The following POU2F2 variants were observed in gnomAD, a reference collection of about 807,000 sequenced individuals.
The protein encoded by POU2F2 is POU class 2 homeobox 2, also known as POU domain, class 2, transcription factor 2.
A neutral mutation model predicts 63.5 loss-of-function variants in POU2F2; 14 were observed. The ratio of observed to expected loss-of-function variants is 0.22; its 90% CI spans 0.15 to 0.34. The LOEUF (loss-of-function observed/expected upper bound fraction) is 0.34. Among genes scored for constraint, POU2F2 ranks in the 10% least tolerant of loss-of-function variants. POU2F2 has a pLI of 1.00. For missense variants in POU2F2, 607 were observed against 815.2 expected (o/e 0.74, Z 3.11); for synonymous variants, 306 against 348.6 (o/e 0.88, Z 1.36).
chr19:42,173,589 T>C (rs1334393897), intron 1 of POU2F2, among the ~76,000 whole-genome samples: 1 of 149,418 alleles, frequency 6.7e-6, no homozygotes, highest in African/African-American at 2.5e-5. Flanking sequence ...CTGGCCAGCA[T>C]GCTGTCTAGG....
chr19:42,104,723 C>T (rs35863918), intron 5 of POU2F2, among the ~76,000 whole-genome samples: 4,621 of 152,234 alleles, frequency 0.03, 139 homozygotes, highest in East Asian at 0.14. Flanking sequence ...CAGAAGGCCA[C>T]GCTGTAAATC....
In POU2F2 at chr19:42,185,757, G is replaced by A. The variant is rs112181536; in HGVS notation, c.-70+10626C>T. On this transcript the variant is annotated intron_variant, in intron 1 of 5. Coordinates refer to the POU2F2 transcript ENST00000532176. The stretch of plus-strand genomic sequence containing the variant: ...TATACTTGTATGACCTCCATAGAAG[G>A]TACCGGGGACACAAAGGGGAATAGG... 2.5e-3 allele frequency among the ~76,000 whole-genome samples: 377 copies of A among 152,220 alleles called. 5 individuals carry two copies. Among genetic ancestry groups the A allele is most frequent in the African/African-American group, 8.5e-3 (355 of 41,522 alleles).
At position 42,092,214 on chromosome 19, in the gene POU2F2, C is replaced by T. The variant is rs2076748665; in HGVS notation, c.1321G>A (p.Gly441Ser). The T allele has an allele frequency of 6.4e-7, 1 of 1,568,834 alleles. No homozygotes were observed. The highest frequency in any genetic ancestry group is 1.3e-5 in the African/African-American group (1 of 74,386). Residue 441 changes from glycine (G) to serine (S), a missense_variant, in exon 13 of 15, where the codon GGT (glycine) becomes AGT (serine). Coordinates refer to ENST00000692977, the MANE Select transcript of POU2F2 (RefSeq NM_001394376.1). This position sits in a 1 kb window ranked among gnomAD's most constrained non-coding sequence, Gnocchi z 5.0. ...TLHPSRTAGG[G>S]GGGGGAAPPL... ...GGCGCAGCCCCGCCCCCGCCCCCAC[C>T]CCCTCCAGCTGTCCGGCTGGGGTGG...
At chr19:42,176,201 C>T (rs1415121479), upstream of POU2F2, among the ~76,000 whole-genome samples, 4 of 152,146 alleles carry the variant, frequency 2.6e-5, no homozygotes, top group Non-Finnish European at 5.9e-5. Flanking sequence ...GCCCGGGGAG[C>T]CTCTCCGAAG....
intron 1 of POU2F2, 110 bp from the exon 2 acceptor site, chr19:42,122,686 C>T: frequency 1.0e-6 from 1 of 971,366 alleles, no homozygotes; most frequent in Non-Finnish European, 1.5e-6. Context: ...TCCCCCCTTA[C>T]CCCCAGCCAC....
At chr19:42,132,209 C>T (rs1292975448) in intron 1 of POU2F2, among the ~76,000 whole-genome samples, 175 bp downstream of exon 1, 1 of 152,164 alleles carries the variant, frequency 6.6e-6, no homozygotes, top group Non-Finnish European at 1.5e-5. Context: ...AAAGAGAGGG[C>T]AAAGAGGAGC....
chr19:42,186,020 G>A (rs2035008427), intron 1 of POU2F2, among the ~76,000 whole-genome samples: 1 of 152,146 alleles, frequency 6.6e-6, no homozygotes, highest in South Asian at 2.1e-4. Context: ...CGCCCCAGTA[G>A]CTGGGACTAT....
chr19:42,121,774 C>G (rs541159366), intron 4 of POU2F2, among the ~76,000 whole-genome samples: 5 of 152,218 alleles, frequency 3.3e-5, no homozygotes, highest in Non-Finnish European at 1.5e-5. Context: ...CCAGCCCCCC[C>G]ACCCCCACCT....
At chr19:42,110,724 A>G in intron 5 of POU2F2, 1 of 456,172 alleles carries the variant, frequency 2.2e-6, no homozygotes, top group Non-Finnish European at 4.4e-6. Context: ...CAGTTTCCTC[A>G]GGTGACACCA....
intron 1 of POU2F2, among the ~76,000 whole-genome samples, chr19:42,171,866 C>G (rs573640944): frequency 6.6e-6 from 1 of 151,342 alleles, no homozygotes; most frequent in East Asian, 2.0e-4. Context: ...AATAAAGGTC[C>G]CTGTGTGTGT....
At chr19:42,195,059 G>GAGGAAGGAAGGA in intron 1 of POU2F2, among the ~76,000 whole-genome samples, 1 of 25,808 alleles carries the variant, frequency 3.9e-5, no homozygotes, top group Non-Finnish European at 8.2e-5. Context: ...GGAAGGGAGG[G>GAGGAAGGAAGGA]AGGGAGGGAG....
intron 2 of POU2F2, among the ~76,000 whole-genome samples, chr19:42,150,289 G>T (rs148956700): frequency 6.6e-6 from 1 of 151,954 alleles, no homozygotes; most frequent in Admixed American, 6.6e-5. Context: ...AGGCCTAGAT[G>T]GGGGGTGGAA....
chr19:42,191,561 G>A (rs374786280), intron 1 of POU2F2, among the ~76,000 whole-genome samples: 1 of 152,190 alleles, frequency 6.6e-6, no homozygotes. Flanking sequence ...GGTGCCTTCT[G>A]TTTCCTGCTG....
At position 42,122,580 on chromosome 19, in the gene POU2F2, G is replaced by C. The variant is rs2032769455; in HGVS notation, c.29-4C>G. ...AGGGGCTTAGACATTCTTATTTCTG[G>C]GGACAGAGGAGGAATGGAAGTGGGG... On this transcript the variant is annotated splice_polypyrimidine_tract_variant and splice_region_variant and intron_variant, in intron 1 of 14. Coordinates refer to ENST00000692977, the MANE Select transcript of POU2F2 (RefSeq NM_001394376.1). 6.4e-7 allele frequency: 1 copy of C among 1,573,568 alleles called. No homozygotes were observed. Among genetic ancestry groups the C allele is most frequent in the Non-Finnish European group, 8.6e-7 (1 of 1,159,830 alleles).
chr19:42,184,327 C>T (rs1015697908), intron 1 of POU2F2, among the ~76,000 whole-genome samples: 1 of 152,136 alleles, frequency 6.6e-6, no homozygotes, highest in Non-Finnish European at 1.5e-5. Context: ...CCTGTCTGCC[C>T]CACAGAAAGG....
chr19:42,122,662 C>G (rs1007448381), intron 1 of POU2F2, 86 bp from the exon 2 acceptor site: 2 of 1,270,174 alleles, frequency 1.6e-6, no homozygotes, highest in Non-Finnish European at 2.2e-6. Flanking sequence ...ACTCCCCAAG[C>G]CTTTCCCCCA....
At chr19:42,175,690 C>G (rs1195297) in intron 1 of POU2F2, among the ~76,000 whole-genome samples, 139,087 of 152,060 alleles carry the variant, frequency 0.91, 63,817 homozygotes, top group East Asian at 1. Flanking sequence ...AGAAAAGAGA[C>G]CAAAGAGGCA....
At chr19:42,154,445 C>T (rs1461724983) in intron 2 of POU2F2, among the ~76,000 whole-genome samples, 4 of 151,926 alleles carry the variant, frequency 2.6e-5, no homozygotes, top group Non-Finnish European at 4.4e-5. Context: ...CAGAGAGAGA[C>T]GCAGAGACAG....
Position 42,086,676 on chromosome 19 carries a change from A to G in POU2F2, c.*4581T>C, listed in dbSNP as rs1386021294. The G allele has an allele frequency of 6.6e-6, 1 of 152,130 alleles. No homozygotes were observed. Among genetic ancestry groups the G allele is most frequent in the African/African-American group, 2.4e-5 (1 of 41,408 alleles). The allele number at this position is 152,130 out of a possible 1,614,324, so 9.4% of individuals were successfully genotyped here. A position where few individuals can be genotyped will look rare whatever the true frequency, so the allele number is the denominator to read the frequency against. On this transcript the variant is annotated 3_prime_UTR_variant, in exon 15 of 15. Coordinates refer to ENST00000692977, the MANE Select transcript of POU2F2 (RefSeq NM_001394376.1). The stretch of plus-strand genomic sequence containing the variant: ...CTCGCCCATTCCCCACCCTGCCATT[A>G]TCCAAAGGCTCTCTACGAGTTGCCG...
Sources: allele counts gnomAD v4.1 joint callset (sites outside exome capture counted in the v4.1 genomes callset), GRCh38; gene constraint gnomAD v4.1.1; non-coding constraint Gnocchi (gnomAD v3.1); transcripts MANE v1.5; gene names NCBI Gene and HGNC (gene_info 2026-07-23, HGNC 2026-07-21).